CCL26: variants seen among roughly 807,000 people sequenced by gnomAD.
CCL26 encodes the protein C-C motif chemokine ligand 26, also known as C-C motif chemokine 26.
In CCL26, 10 loss-of-function variants were observed where a neutral mutation model predicts 10.7. The observed-to-expected ratio is 0.93, with a 90% CI of 0.57 to 1.58. The LOEUF is 1.58. Among genes scored for constraint, CCL26 ranks in the 40% most tolerant of loss-of-function variants. The probability of loss-of-function intolerance (pLI) is 0.00; values close to 1 mark genes in which losing one functional copy is unlikely to be tolerated. For synonymous variants in CCL26, 43 were observed against 41.4 expected (o/e 1.04, Z -0.15); for missense variants, 116 against 111.0 (o/e 1.05, Z -0.20).
upstream of CCL26, among the ~76,000 whole-genome samples, chr7:75,773,357 G>C (rs568203900): frequency 6.7e-4 from 102 of 152,106 alleles, no homozygotes; most frequent in South Asian, 2.1e-3. Context: ...GCAGGAGGCA[G>C]AGGTTACAGT....
intron 1 of CCL26, among the ~76,000 whole-genome samples, chr7:75,789,234 C>T (rs1189701366): frequency 3.3e-5 from 5 of 151,606 alleles, no homozygotes; most frequent in Non-Finnish European, 7.4e-5. Context: ...TGCCAGCCAC[C>T]GTGCCTGGCC....
intron 1 of CCL26, 30 bp downstream of exon 1, chr7:75,772,074 C>T (rs782298986): frequency 6.2e-7 from 1 of 1,607,010 alleles, no homozygotes; most frequent in South Asian, 1.1e-5. Context: ...CGGGAAGGAA[C>T]CCCAGGAGGG....
intron 1 of CCL26, among the ~76,000 whole-genome samples, chr7:75,788,530 T>C (rs1241807161): frequency 1.3e-5 from 2 of 152,032 alleles, no homozygotes; most frequent in Non-Finnish European, 2.9e-5. Context: ...ACACAAAGCC[T>C]GTTTGGTGGT....
Position 75,771,902 on chromosome 7 carries a change from G to A in CCL26, c.175C>T (p.Gln59Ter). Residue 59 changes from glutamine to a stop codon, truncating the protein, a stop_gained, in exon 2 of 3, where the codon CAG becomes TAG. Transcript: ENST00000005180. LOFTEE classifies it high-confidence loss of function. ...AGAAATACTCACATCACAGCCCGCT[G>A]GGAGCAGCTGTTACTGGTGAATTCA... ...SYEFTSNSCS[Q>*]RAVIFTTKRG... 1 of 1,611,736 alleles carries A rather than the reference G, an allele frequency of 6.2e-7. No homozygotes were observed. The highest frequency in any genetic ancestry group is 8.5e-7 in the Non-Finnish European group (1 of 1,177,812).
upstream of CCL26, among the ~76,000 whole-genome samples, chr7:75,790,266 C>A (rs1803305845): frequency 7.3e-6 from 1 of 137,428 alleles, no homozygotes; most frequent in African/African-American, 2.6e-5. Flanking sequence ...TCCCTCCATA[C>A]CTCTTTCTCT....
chr7:75,777,595 C>T (rs2868166), intron 1 of CCL26, among the ~76,000 whole-genome samples: 2 of 151,130 alleles, frequency 1.3e-5, no homozygotes, highest in African/African-American at 4.9e-5. Flanking sequence ...AAAAAGTAAG[C>T]AAAATTATCT....
At chr7:75,770,096 C>CTTTTTTTTTTTTT in intron 2 of CCL26, among the ~76,000 whole-genome samples, 1 of 148,600 alleles carries the variant, frequency 6.7e-6, no homozygotes. Flanking sequence ...TTGAGACGAA[C>CTTTTTTTTTTTTT]TCTCACTCTG....
intron 1 of CCL26, among the ~76,000 whole-genome samples, chr7:75,778,851 G>GGGT (rs1563337665): frequency 6.6e-6 from 1 of 152,038 alleles, no homozygotes; most frequent in African/African-American, 2.4e-5. Flanking sequence ...GCCAAGGTGG[G>GGGT]GGGGGCAGAT....
intron 1 of CCL26, among the ~76,000 whole-genome samples, chr7:75,782,485 C>T (rs1404121098): frequency 6.6e-6 from 1 of 152,112 alleles, no homozygotes; most frequent in Non-Finnish European, 1.5e-5. Flanking sequence ...TGTCTCTACC[C>T]TTCTCTTTAA....
chr7:75,781,221 C>G (rs552423128), intron 1 of CCL26, among the ~76,000 whole-genome samples: 1 of 152,206 alleles, frequency 6.6e-6, no homozygotes, highest in Admixed American at 6.5e-5. Flanking sequence ...TCAAACCCCA[C>G]GACAGGACTT....
chr7:75,791,254 T>G (rs1554530820), upstream of CCL26, among the ~76,000 whole-genome samples: 1 of 152,058 alleles, frequency 6.6e-6, no homozygotes, highest in Non-Finnish European at 1.5e-5. Context: ...CTCAAACTCC[T>G]GGCCTCGTGA....
intron 1 of CCL26, among the ~76,000 whole-genome samples, chr7:75,787,569 T>G (rs1803224875): frequency 7.2e-6 from 1 of 138,178 alleles, no homozygotes; most frequent in African/African-American, 2.7e-5. Flanking sequence ...GGTGTGAACC[T>G]GGGATGTGGA....
At chr7:75,786,528 G>C (rs1296371476) in intron 1 of CCL26, among the ~76,000 whole-genome samples, 2 of 152,022 alleles carry the variant, frequency 1.3e-5, no homozygotes, top group Admixed American at 6.6e-5. Context: ...CCCTCGTAAG[G>C]GTCCTCCATC....
upstream of CCL26, among the ~76,000 whole-genome samples, chr7:75,791,013 C>CTTTTTTTTTTTTTTTTTTTTT (rs35608337): frequency 2.2e-5 from 3 of 134,354 alleles, no homozygotes; most frequent in Non-Finnish European, 4.8e-5. Flanking sequence ...GAAACTCCTC[C>CTTTTTTTTTTTTTTTTTTTTT]TTTTTTTTTT....
chr7:75,773,223 G>T (rs1299345421), upstream of CCL26, among the ~76,000 whole-genome samples: 1 of 151,908 alleles, frequency 6.6e-6, no homozygotes, highest in Non-Finnish European at 1.5e-5. Flanking sequence ...TATAGTGAGA[G>T]AGAGGGCCTG....
intron 1 of CCL26, among the ~76,000 whole-genome samples, chr7:75,784,319 C>A (rs1463298061): frequency 6.6e-6 from 1 of 152,204 alleles, no homozygotes; most frequent in Non-Finnish European, 1.5e-5. Flanking sequence ...CGCCCAGCAG[C>A]CACTCCCAGA....
intron 1 of CCL26, among the ~76,000 whole-genome samples, chr7:75,778,851 G>GGT (rs1802999278): frequency 3.9e-5 from 6 of 152,154 alleles, no homozygotes; most frequent in African/African-American, 1.4e-4. Context: ...GCCAAGGTGG[G>GGT]GGGGGCAGAT....
chr7:75,785,024 T>C (rs1324162352), intron 1 of CCL26, among the ~76,000 whole-genome samples: 1 of 152,206 alleles, frequency 6.6e-6, no homozygotes, highest in Non-Finnish European at 1.5e-5. Flanking sequence ...ATTTTACCTG[T>C]CCAAAAACCA....
rs527819360 is a variant in CCL26 at position 75,772,099 on chromosome 7, C to G, written c.73+5G>C. 1 of 1,591,082 alleles carries G rather than the reference C, an allele frequency of 6.3e-7. No individual in the cohort carries two copies. The highest frequency in any genetic ancestry group is 8.6e-7 in the Non-Finnish European group (1 of 1,168,478). ...CCCCAGGAGGGGAATGGGCCAGCTA[C>G]GTACGTGTGGCAGTTCCAAGGTGGA... On this transcript the variant is annotated splice_donor_5th_base_variant and intron_variant, in intron 1 of 2. Coordinates refer to ENST00000005180, the MANE Select transcript of CCL26 (RefSeq NM_001371938.1).
Sources: allele counts gnomAD v4.1 joint callset (sites outside exome capture counted in the v4.1 genomes callset), GRCh38; gene constraint gnomAD v4.1.1; transcripts MANE v1.5; gene names NCBI Gene and HGNC (gene_info 2026-07-23, HGNC 2026-07-21).